Variants in RYR3 observed in about 807,000 individuals in gnomAD.
RYR3 encodes ryanodine receptor 3.
RYR3 carries 207 observed loss-of-function variants against 584.3 expected under a neutral mutation model. The observed-to-expected ratio is 0.35, with a 90% CI of 0.32 to 0.40. RYR3 has a LOEUF of 0.40. RYR3 is among the 10% of genes least tolerant of loss of function. The pLI is 1.00. For missense variants in RYR3, 5,616 were observed against 6,089.2 expected, an observed-to-expected ratio of 0.92 and a Z score of 2.59; for synonymous variants, 2,416 against 2,248.5, an observed-to-expected ratio of 1.07 and a Z score of -2.11.
chr15:33,359,593 C>CTTATTTATTTAT (rs34142769), intron 1 of RYR3, among the ~76,000 whole-genome samples: 360 of 144,908 alleles, frequency 2.5e-3, no homozygotes, highest in Non-Finnish European at 3.7e-3. Context: ...TCCCTGACCC[C>CTTATTTATTTAT]TTATTTATTT....
intron 19 of RYR3, among the ~76,000 whole-genome samples, chr15:33,614,187 G>C (rs1395514082): frequency 1.3e-5 from 2 of 152,118 alleles, no homozygotes; most frequent in Non-Finnish European, 2.9e-5. Context: ...AAATGAGGCT[G>C]TTTTCAGTCT....
intron 101 of RYR3, 22 bp downstream of exon 101, chr15:33,860,681 A>C: frequency 6.6e-7 from 1 of 1,508,228 alleles, no homozygotes; most frequent in Non-Finnish European, 9.1e-7. Context: ...CTAACTACTA[A>C]TCCCAGCTCT....
chr15:33,839,041 T>C (rs2078210174), intron 89 of RYR3, 83 bp downstream of exon 89: 1 of 1,489,022 alleles, frequency 6.7e-7, no homozygotes, highest in South Asian at 1.4e-5. Flanking sequence ...ACTGACACCA[T>C]TTCCCTAGGA....
chr15:33,546,295 G>C (rs1157615946), intron 8 of RYR3, among the ~76,000 whole-genome samples: 1 of 152,130 alleles, frequency 6.6e-6, no homozygotes, highest in Non-Finnish European at 1.5e-5. Flanking sequence ...GATCCTTTCA[G>C]CTTGCACTAG....
At chr15:33,651,696 C>G (rs2062480282) in intron 31 of RYR3, among the ~76,000 whole-genome samples, 1 of 152,194 alleles carries the variant, frequency 6.6e-6, no homozygotes, top group Non-Finnish European at 1.5e-5. Flanking sequence ...TGGCCTTGCC[C>G]TCCATGCTGA....
chr15:33,523,191 T>C (rs1332795773), intron 3 of RYR3, among the ~76,000 whole-genome samples: 2 of 152,112 alleles, frequency 1.3e-5, no homozygotes, highest in East Asian at 1.9e-4. Context: ...CTCTGTAAAA[T>C]GGACCTATCA....
chr15:33,598,020 G>A (rs1282130836), intron 16 of RYR3, among the ~76,000 whole-genome samples: 2 of 151,648 alleles, frequency 1.3e-5, no homozygotes, highest in Non-Finnish European at 2.9e-5. Context: ...CAACTCAAGT[G>A]AAAATCAAAT....
intron 1 of RYR3, among the ~76,000 whole-genome samples, chr15:33,369,604 G>GTCTGTCTA (rs1976027910): frequency 2.0e-5 from 3 of 152,138 alleles, no homozygotes; most frequent in African/African-American, 7.2e-5. Flanking sequence ...CTGTCTGTCT[G>GTCTGTCTA]TCTATCCATC....
chr15:33,782,009 G>T (rs1292739837), intron 65 of RYR3, among the ~76,000 whole-genome samples: 1 of 152,192 alleles, frequency 6.6e-6, no homozygotes, highest in African/African-American at 2.4e-5. Context: ...GCCAGCCCAG[G>T]TGTTGCTTCC....
At chr15:33,327,362 CAG>C (rs2140617854) in intron 1 of RYR3, among the ~76,000 whole-genome samples, 2 of 152,316 alleles carry the variant, frequency 1.3e-5, no homozygotes, top group African/African-American at 4.8e-5. Flanking sequence ...CCATGGGACA[CAG>C]GGGCTGTCTT....
At chr15:33,802,238 C>G (rs1036221976) in intron 69 of RYR3, 4 of 531,356 alleles carry the variant, frequency 7.5e-6, no homozygotes, top group African/African-American at 1.9e-5. Flanking sequence ...AAAACAAAAG[C>G]TGCTGTTAGT....
chr15:33,582,313 G>T (rs960784528), intron 14 of RYR3, among the ~76,000 whole-genome samples: 14 of 152,186 alleles, frequency 9.2e-5, no homozygotes, highest in Non-Finnish European at 1.5e-4. Flanking sequence ...TTAGGGCTTT[G>T]CTCTGAAGTG....
At chr15:33,688,572 C>CAA (rs34312921) in intron 38 of RYR3, among the ~76,000 whole-genome samples, 3,247 of 63,450 alleles carry the variant, frequency 0.051, 159 homozygotes, top group African/African-American at 0.13. Context: ...GACTCCATCT[C>CAA]AAAAAAAAAA....
intron 31 of RYR3, among the ~76,000 whole-genome samples, chr15:33,650,581 G>A (rs368887710): frequency 1.3e-5 from 2 of 152,232 alleles, no homozygotes; most frequent in South Asian, 4.2e-4. Flanking sequence ...CCTCAACTCA[G>A]GCACTCAGTA....
intron 53 of RYR3, among the ~76,000 whole-genome samples, chr15:33,747,572 G>T (rs1188369062): frequency 6.6e-6 from 1 of 151,864 alleles, no homozygotes; most frequent in African/African-American, 2.4e-5. Context: ...CTACAGGCAT[G>T]CACCACTACG....
chr15:33,828,345 G>A (rs1022196811), intron 85 of RYR3, among the ~76,000 whole-genome samples: 3 of 152,206 alleles, frequency 2.0e-5, no homozygotes, highest in African/African-American at 7.2e-5. Context: ...CAAGTGAAAG[G>A]AAGAGTCACA....
At chr15:33,751,744 A>G (rs2071339152) in intron 57 of RYR3, among the ~76,000 whole-genome samples, 1 of 151,936 alleles carries the variant, frequency 6.6e-6, no homozygotes. Flanking sequence ...ATTAGACCCC[A>G]TTTGTCAATT....
rs771692590 is a variant in RYR3 at position 33,584,465 on chromosome 15, A to G, written c.1644A>G (p.Lys548=). 3.1e-6 allele frequency: 5 copies of G among 1,590,716 alleles called. No homozygotes were observed. The African/African-American group carries it at 5.4e-5, about 17-fold the overall frequency. The change falls in exon 15 of 104, where the codon AAA becomes AAG. Residue 548 remains lysine, a synonymous_variant. Transcript: ENST00000634891. ...ATAACCTTGATTGGCTCATCAGTAA[A>G]TTGGACAGACTAGAATCTTCCTCAG... ...FSNNLDWLIS[K]LDRLESSSGI... is the part of the protein sequence containing the mutation.
At chr15:33,404,074 T>C (rs146958658) in intron 1 of RYR3, among the ~76,000 whole-genome samples, 28 of 152,342 alleles carry the variant, frequency 1.8e-4, no homozygotes, top group Non-Finnish European at 3.7e-4. Context: ...TGTTTTTGCC[T>C]CTCCATTTGA....
Sources: gnomAD v4.1 joint callset for allele counts (sites outside exome capture counted in the v4.1 genomes callset) on GRCh38, gnomAD v4.1.1 for gene constraint, MANE v1.5 for transcripts, NCBI Gene and HGNC (gene_info 2026-07-23, HGNC 2026-07-21) for gene names.